The following ADAMTS16 variants were observed in gnomAD, a reference collection of about 807,000 sequenced individuals.
ADAMTS16 encodes A disintegrin and metalloproteinase with thrombospondin motifs 16.
ADAMTS16 carries 94 observed loss-of-function variants against 145.8 expected under a neutral mutation model. The ratio of observed to expected loss-of-function variants is 0.64; its 90% CI spans 0.55 to 0.77. The LOEUF (loss-of-function observed/expected upper bound fraction) is 0.77, where lower values mean the gene tolerates loss of function less well. ADAMTS16 is among the 30% of genes least tolerant of loss of function. The pLI is 0.00. For missense variants in ADAMTS16, 1,585 were observed against 1,591.5 expected (o/e 1.00, Z 0.07); for synonymous variants, 659 against 604.3 (o/e 1.09, Z -1.33).
intron 18 of ADAMTS16, among the ~76,000 whole-genome samples, chr5:5,275,853 A>G (rs2964394): frequency 1 from 151,962 of 152,004 alleles, 75,960 homozygotes; most frequent in Non-Finnish European, 1. Flanking sequence ...ATTTTATCAA[A>G]TGAAGAATCT....
intron 3 of ADAMTS16, among the ~76,000 whole-genome samples, chr5:5,154,076 A>G (rs1734540573): frequency 6.6e-6 from 1 of 152,218 alleles, no homozygotes; most frequent in South Asian, 2.1e-4. Context: ...AACTGTCTGA[A>G]ATGCTGCCAG....
intron 17 of ADAMTS16, among the ~76,000 whole-genome samples, chr5:5,252,174 C>A (rs964863347): frequency 3.9e-5 from 6 of 152,130 alleles, no homozygotes; most frequent in African/African-American, 1.4e-4. Context: ...ACTACATCCC[C>A]GTGTCTACAA....
intron 10 of ADAMTS16, among the ~76,000 whole-genome samples, chr5:5,211,818 A>C (rs1398625352): frequency 1.3e-5 from 2 of 152,184 alleles, no homozygotes. Flanking sequence ...ATTACGTAGA[A>C]ATATATTAAA....
At chr5:5,188,015 G>C (rs1010690849) in intron 6 of ADAMTS16, among the ~76,000 whole-genome samples, 7 of 152,086 alleles carry the variant, frequency 4.6e-5, no homozygotes, top group Non-Finnish European at 1.5e-5. Flanking sequence ...GTGCAAAAGT[G>C]GTAAGAAATT....
rs75879643 is a variant in ADAMTS16 at position 5,162,509 on chromosome 5, T to C, written c.501+16054T>C. On this transcript the variant is annotated intron_variant, in intron 3 of 22. Coordinates refer to ENST00000274181, the MANE Select transcript of ADAMTS16 (RefSeq NM_139056.4). Reference sequence around the variant, plus strand: ...GTCTAATTGATTGTTTGGGCAACATTGGGTATTGGAGGGAAAAGAGGAACT... The same window carrying C: ...GTCTAATTGATTGTTTGGGCAACATCGGGTATTGGAGGGAAAAGAGGAACT... Among the ~76,000 whole-genome samples, 578 of 152,212 alleles carry C rather than the reference T, an allele frequency of 3.8e-3. 6 individuals are homozygous for C. The highest frequency in any genetic ancestry group is 0.013 in the African/African-American group (554 of 41,536).
chr5:5,288,296 C>G (rs1739177063), intron 18 of ADAMTS16, among the ~76,000 whole-genome samples: 1 of 152,156 alleles, frequency 6.6e-6, no homozygotes, highest in Non-Finnish European at 1.5e-5. Flanking sequence ...GAAGGTCATT[C>G]ATTTCAAAAG....
chr5:5,141,146 C>A (rs1218204864), intron 2 of ADAMTS16, among the ~76,000 whole-genome samples: 2 of 152,150 alleles, frequency 1.3e-5, no homozygotes, highest in African/African-American at 2.4e-5. Context: ...ATCCTCCTTC[C>A]CGTCCCCAAC....
intron 3 of ADAMTS16, among the ~76,000 whole-genome samples, chr5:5,153,820 T>G (rs950832811): frequency 2.6e-5 from 4 of 152,244 alleles, no homozygotes; most frequent in East Asian, 1.9e-4. Flanking sequence ...ACATGATGTT[T>G]GTCAAGGCAT....
chr5:5,289,535 C>T (rs1579384548), intron 18 of ADAMTS16, among the ~76,000 whole-genome samples: 1 of 152,352 alleles, frequency 6.6e-6, no homozygotes, highest in East Asian at 1.9e-4. Context: ...AGGTATCAAA[C>T]TCCAACAGGT....
intron 17 of ADAMTS16, among the ~76,000 whole-genome samples, chr5:5,248,150 A>T (rs768603902): frequency 6.6e-6 from 1 of 151,952 alleles, no homozygotes; most frequent in Non-Finnish European, 1.5e-5. Flanking sequence ...AATTCGTTTG[A>T]TTTTTTTTCT....
At chr5:5,259,125 A>T (rs529097120) in intron 17 of ADAMTS16, among the ~76,000 whole-genome samples, 35 of 152,308 alleles carry the variant, frequency 2.3e-4, no homozygotes, top group Non-Finnish European at 4.4e-4. Context: ...ACTGACAGCG[A>T]TAATTTTCTG....
intron 3 of ADAMTS16, among the ~76,000 whole-genome samples, chr5:5,168,368 A>G (rs1409158166): frequency 1.4e-5 from 2 of 145,580 alleles, no homozygotes; most frequent in East Asian, 3.9e-4. Context: ...TATTATTATT[A>G]TTATTATTAT....
intron 11 of ADAMTS16, among the ~76,000 whole-genome samples, chr5:5,231,793 CA>C (rs1736932021): frequency 1.3e-5 from 2 of 152,286 alleles, no homozygotes; most frequent in African/African-American, 4.8e-5. Context: ...TTCGTGGGGA[CA>C]GATGAAATTC....
rs71604122 is a variant in ADAMTS16, at chr5:5,265,985, A to AGTGT, written c.2789+3242_2789+3245dup. Among the ~76,000 whole-genome samples the AGTGT allele has an allele frequency of 6.3e-3, 891 of 141,454 alleles. 5 individuals are homozygous for AGTGT. The highest frequency in any genetic ancestry group is 0.018 in the East Asian group (87 of 4,758). 92.8% of individuals were successfully genotyped at this position (141,454 alleles called of 152,430 possible). On this transcript the variant is annotated intron_variant, in intron 18 of 22. Transcript: ENST00000274181. Reference sequence around the variant, plus strand: ...GAAACCAGTAAATTAGACTTAAAGAAGTGTGTGTGTGTGTGTGTGTGTGTG... The same window carrying AGTGT: ...GAAACCAGTAAATTAGACTTAAAGAAGTGTGTGTGTGTGTGTGTGTGTGTGTGTG...
At chr5:5,213,392 T>C (rs1007482227) in intron 10 of ADAMTS16, among the ~76,000 whole-genome samples, 4 of 152,236 alleles carry the variant, frequency 2.6e-5, no homozygotes, top group Admixed American at 1.3e-4. Context: ...AGTGTTTGGA[T>C]AAATCAGTGA....
intron 3 of ADAMTS16, among the ~76,000 whole-genome samples, chr5:5,180,316 A>T (rs1018951392): frequency 6.6e-6 from 1 of 152,186 alleles, no homozygotes; most frequent in East Asian, 1.9e-4. Context: ...TCTAAATGAT[A>T]CCCTGATGTT....
At position 5,237,005 on chromosome 5, in the gene ADAMTS16, G is replaced by T; in HGVS notation, c.2060G>T (p.Gly687Val). ...TGCAAACTCTACTGTATCGCAGAAGGATTTGATTTCTTCTTTTCTTTGTCA... is the reference window on the plus strand; with the variant it reads ...TGCAAACTCTACTGTATCGCAGAAGTATTTGATTTCTTCTTTTCTTTGTCA... Reference protein sequence around the residue: ...DLCKLYCIAEGFDFFFSLSNK... With the variant: ...DLCKLYCIAEVFDFFFSLSNK... The change falls in exon 14 of 23, where the codon GGA (glycine) becomes GTA (valine). Residue 687 changes from glycine (G) to valine (V), a missense_variant. Coordinates refer to ENST00000274181, the MANE Select transcript of ADAMTS16 (RefSeq NM_139056.4). 1 of 1,613,894 alleles carries T rather than the reference G, an allele frequency of 6.2e-7. No individual in the cohort carries two copies. Among genetic ancestry groups the T allele is most frequent in the Non-Finnish European group, 8.5e-7 (1 of 1,179,936 alleles).
chr5:5,146,365 G>A lies in ADAMTS16; in HGVS notation c.411G>A (p.Gln137=), dbSNP rs751761275. 5.0e-6 allele frequency: 8 copies of A among 1,614,050 alleles called. No homozygotes were observed. Among genetic ancestry groups the A allele is most frequent in the Non-Finnish European group, 6.8e-6 (8 of 1,180,058 alleles). ...TLGKTGTKSV[Q]TLPPEDFCFY... is the part of the protein sequence containing the mutation. Reference sequence around the variant, plus strand: ...GAAAGACAGGCACTAAGTCTGTGCAGACTTTACCGCCAGAGGACTTCTGTT... The same window carrying A: ...GAAAGACAGGCACTAAGTCTGTGCAAACTTTACCGCCAGAGGACTTCTGTT... The change falls in exon 3 of 23, where the codon CAG becomes CAA. Residue 137 remains glutamine (Q), a synonymous_variant. Coordinates refer to ENST00000274181, the MANE Select transcript of ADAMTS16 (RefSeq NM_139056.4).
At chr5:5,150,394 G>A (rs1356471302) in intron 3 of ADAMTS16, among the ~76,000 whole-genome samples, 1 of 152,212 alleles carries the variant, frequency 6.6e-6, no homozygotes, top group Non-Finnish European at 1.5e-5. Context: ...AGATAGGTAG[G>A]GCAGCAAGGG....
Sources: gnomAD v4.1 joint callset for allele counts (sites outside exome capture counted in the v4.1 genomes callset) on GRCh38, gnomAD v4.1.1 for gene constraint, MANE v1.5 for transcripts, NCBI Gene and HGNC (gene_info 2026-07-23, HGNC 2026-07-21) for gene names.